The following IL1RAPL1 variants were observed in gnomAD, a reference collection of about 807,000 sequenced individuals.
IL1RAPL1 encodes interleukin-1 receptor accessory protein-like 1.
IL1RAPL1 carries 3 observed loss-of-function variants against 48.4 expected under a neutral mutation model. The ratio of observed to expected loss-of-function variants is 0.06; its 90% CI spans 0.03 to 0.16. The LOEUF is 0.16. IL1RAPL1 is among the 10% of genes least tolerant of loss of function. The pLI is 1.00. For missense variants in IL1RAPL1, 349 were observed against 530.6 expected (o/e 0.66, Z 3.36); for synonymous variants, 185 against 187.7 (o/e 0.99, Z 0.12).
intron 6 of IL1RAPL1, among the ~76,000 whole-genome samples, chrX:29,852,384 C>A (rs1401771492): frequency 8.9e-6 from 1 of 112,003 alleles, no homozygotes; most frequent in Non-Finnish European, 1.9e-5. Flanking sequence ...ATTTGTTCCT[C>A]CCCATTTTGG....
intron 1 of IL1RAPL1, among the ~76,000 whole-genome samples, chrX:28,632,019 T>C (rs767633770): frequency 8.9e-6 from 1 of 112,641 alleles, no homozygotes; most frequent in East Asian, 2.8e-4. Flanking sequence ...GAAACACAGA[T>C]AAAACTTATA....
chrX:29,552,661 A>G (rs1168903466), intron 5 of IL1RAPL1, among the ~76,000 whole-genome samples: 3 of 111,169 alleles, frequency 2.7e-5, no homozygotes, highest in East Asian at 5.6e-4. Flanking sequence ...TGATTGTTGT[A>G]ATGAAAATCT....
At chrX:29,694,679 G>A (rs1926861607) in intron 6 of IL1RAPL1, among the ~76,000 whole-genome samples, 1 of 111,545 alleles carries the variant, frequency 9.0e-6, no homozygotes, top group Non-Finnish European at 1.9e-5. Flanking sequence ...TTATAAGGTA[G>A]AAGGAATGAG....
chrX:29,935,157 T>C (rs1345161206), intron 8 of IL1RAPL1, among the ~76,000 whole-genome samples: 1 of 109,875 alleles, frequency 9.1e-6, no homozygotes, highest in Non-Finnish European at 1.9e-5. Flanking sequence ...TGCCCTCTTA[T>C]TGCAGTACAC....
intron 5 of IL1RAPL1, among the ~76,000 whole-genome samples, chrX:29,440,788 A>G (rs1193087254): frequency 1.8e-5 from 2 of 112,216 alleles, no homozygotes; most frequent in Non-Finnish European, 3.8e-5. Context: ...TTGCTGTTTG[A>G]CTTTTGTCAG....
At chrX:29,786,108 A>C (rs1236853503) in intron 6 of IL1RAPL1, among the ~76,000 whole-genome samples, 1 of 110,367 alleles carries the variant, frequency 9.1e-6, no homozygotes, top group Non-Finnish European at 1.9e-5. Flanking sequence ...ACAGGAATGA[A>C]TGGAAAAGCA....
chrX:29,526,384 T>TA (rs752973546), intron 5 of IL1RAPL1, among the ~76,000 whole-genome samples: 14 of 111,565 alleles, frequency 1.3e-4, no homozygotes, highest in Non-Finnish European at 1.1e-4. Context: ...CTTACTCCAG[T>TA]AATGCTAAAG....
chrX:29,942,790 T>C (rs918028204), intron 9 of IL1RAPL1, among the ~76,000 whole-genome samples: 1 of 110,396 alleles, frequency 9.1e-6, no homozygotes, highest in Non-Finnish European at 1.9e-5. Flanking sequence ...CAGCTAATTT[T>C]TTGTATTTTT....
chrX:29,439,851 G>GTT (rs760458968), intron 5 of IL1RAPL1, among the ~76,000 whole-genome samples: 1,178 of 59,825 alleles, frequency 0.02, 146 homozygotes, highest in African/African-American at 0.057. Context: ...TGTTTGTTTG[G>GTT]TTTTTTTTTT....
intron 6 of IL1RAPL1, among the ~76,000 whole-genome samples, chrX:29,789,732 GA>G (rs201626670): frequency 1.1e-4 from 11 of 102,445 alleles, no homozygotes; most frequent in Non-Finnish European, 2.2e-4. Flanking sequence ...ACAAACTGGT[GA>G]AAAAAAAATC....
intron 2 of IL1RAPL1, among the ~76,000 whole-genome samples, chrX:28,956,026 A>T (rs763629968): frequency 9.5e-6 from 1 of 105,642 alleles, no homozygotes; most frequent in Non-Finnish European, 1.9e-5. Context: ...ATTCTCTTTG[A>T]AGCAATTGTG....
chrX:29,070,487 A>G (rs1263602384), intron 2 of IL1RAPL1, among the ~76,000 whole-genome samples: 1 of 111,719 alleles, frequency 9.0e-6, no homozygotes, highest in Non-Finnish European at 1.9e-5. Flanking sequence ...CAGGATGGAC[A>G]TCAATTGTCT....
intron 2 of IL1RAPL1, among the ~76,000 whole-genome samples, chrX:28,997,139 G>A (rs1273782251): frequency 9.0e-6 from 1 of 110,739 alleles, no homozygotes; most frequent in Non-Finnish European, 1.9e-5. Flanking sequence ...TTGTACAAAA[G>A]CAGGCACTTT....
chrX:28,613,863 T>G (rs1486296470), intron 1 of IL1RAPL1, among the ~76,000 whole-genome samples: 1 of 112,430 alleles, frequency 8.9e-6, no homozygotes, highest in Non-Finnish European at 1.9e-5. Flanking sequence ...AGATTAATTT[T>G]AACTCTGAGA....
At chrX:28,731,208 T>C (rs1044960933) in intron 1 of IL1RAPL1, among the ~76,000 whole-genome samples, 1 of 111,703 alleles carries the variant, frequency 9.0e-6, no homozygotes, top group African/African-American at 3.3e-5. Flanking sequence ...TTCATTTTGA[T>C]TTTTTTTCTT....
chrX:29,200,790 C>T (rs970149701), intron 2 of IL1RAPL1, among the ~76,000 whole-genome samples: 1 of 111,460 alleles, frequency 9.0e-6, no homozygotes, highest in East Asian at 2.8e-4. Flanking sequence ...AGTTTACAGG[C>T]CATGTATTAC....
At chrX:28,831,961 TTTTA>T (rs1921070114) in intron 2 of IL1RAPL1, among the ~76,000 whole-genome samples, 1 of 111,654 alleles carries the variant, frequency 9.0e-6, no homozygotes, top group Non-Finnish European at 1.9e-5. Context: ...ACTTATTCTT[TTTTA>T]TTATTATTTT....
rs968012695 is a variant in IL1RAPL1 at position 29,085,566 on chromosome X, A to T, written c.83-197372A>T. On this transcript the variant is annotated intron_variant, in intron 2 of 10. Transcript: ENST00000378993. Reference sequence around the variant, plus strand: ...TTGCCCAAGATCACATAGTAAGTGTATAATTGCTTTTAAAATCAGAGCATA... The same window carrying T: ...TTGCCCAAGATCACATAGTAAGTGTTTAATTGCTTTTAAAATCAGAGCATA... Among the ~76,000 whole-genome samples the T allele has an allele frequency of 6.2e-5, 7 of 112,364 alleles. No homozygotes were observed. The East Asian group carries it at 1.9e-3, about 31-fold the overall frequency.
chrX:29,699,715 G>C (rs1927004646), intron 6 of IL1RAPL1, among the ~76,000 whole-genome samples: 1 of 111,870 alleles, frequency 8.9e-6, no homozygotes, highest in Non-Finnish European at 1.9e-5. Context: ...CTGACGTTTT[G>C]ATTGGTCTGG....
Sources: allele counts gnomAD v4.1 joint callset (sites outside exome capture counted in the v4.1 genomes callset), GRCh38; gene constraint gnomAD v4.1.1; transcripts MANE v1.5; gene names NCBI Gene and HGNC (gene_info 2026-07-23, HGNC 2026-07-21).